Variants in OXSR1 observed in about 807,000 individuals in gnomAD.
OXSR1 encodes oxidative stress responsive kinase 1, also known as serine/threonine-protein kinase OSR1.
A neutral mutation model predicts 79.8 loss-of-function variants in OXSR1; 24 were observed. The ratio of observed to expected loss-of-function variants is 0.30; its 90% CI spans 0.22 to 0.42. The LOEUF (loss-of-function observed/expected upper bound fraction) is 0.42, where lower values mean the gene tolerates loss of function less well. Ranked by LOEUF, OXSR1 falls within the 10% of genes least tolerant of loss-of-function variation. The pLI, the probability that OXSR1 is intolerant of heterozygous loss-of-function variation, is 1.00. For synonymous variants in OXSR1, 226 were observed against 209.2 expected (o/e 1.08, Z -0.69); for missense variants, 430 against 618.4 (o/e 0.70, Z 3.23).
chr3:38,219,350 C>G (rs1490662694), intron 5 of OXSR1, among the ~76,000 whole-genome samples: 1 of 152,028 alleles, frequency 6.6e-6, no homozygotes, highest in African/African-American at 2.4e-5. Flanking sequence ...AGTAAAAACT[C>G]TTCATAATTC....
chr3:38,193,462 T>C lies in OXSR1; in HGVS notation c.292+2623T>C, dbSNP rs913086840. ...TTATTGATCACCTATAGCATAATTT[T>C]CTTTATTTGTAATTTACGAGAATAT... On this transcript the variant is annotated intron_variant, in intron 3 of 17. Coordinates refer to ENST00000311806, the MANE Select transcript of OXSR1 (RefSeq NM_005109.3). 9 of 1,181,960 alleles carry C rather than the reference T, an allele frequency of 7.6e-6. No individual in the cohort carries two copies. In the African/African-American group the frequency reaches 1.4e-4, roughly 19 times the overall value. The allele number at this position is 1,181,960 out of a possible 1,614,324, so 73.2% of individuals were successfully genotyped here. A position where few individuals can be genotyped will look rare whatever the true frequency, so the allele number is the denominator to read the frequency against.
At chr3:38,232,139 G>A (rs57919591) in intron 10 of OXSR1, among the ~76,000 whole-genome samples, 12,794 of 151,964 alleles carry the variant, frequency 0.084, 705 homozygotes, top group African/African-American at 0.15. Flanking sequence ...GCCTCAGACC[G>A]GGGATATGGT....
At chr3:38,179,598 A>G (rs1046926665) in intron 1 of OXSR1, among the ~76,000 whole-genome samples, 2 of 152,178 alleles carry the variant, frequency 1.3e-5, no homozygotes, top group East Asian at 3.9e-4. Context: ...TCCAAAAGAA[A>G]CAATGTACAA....
intron 2 of OXSR1, among the ~76,000 whole-genome samples, chr3:38,189,853 C>T (rs762304578): frequency 2.6e-5 from 4 of 152,156 alleles, no homozygotes; most frequent in Non-Finnish European, 5.9e-5. Flanking sequence ...TGAGTACTTG[C>T]CTTCATGGAG....
intron 12 of OXSR1, among the ~76,000 whole-genome samples, chr3:38,245,581 G>A (rs893215302): frequency 1.3e-5 from 2 of 152,132 alleles, no homozygotes; most frequent in African/African-American, 4.8e-5. Context: ...GAATGGAATA[G>A]ATTTTGTTAA....
chr3:38,183,587 G>A lies in OXSR1; in HGVS notation c.183+472G>A, dbSNP rs969799646. 3.9e-5 allele frequency among the ~76,000 whole-genome samples: 6 copies of A among 152,150 alleles called. No individual in the cohort carries two copies. In the South Asian group the frequency reaches 1.2e-3, roughly 32 times the overall value. Reference sequence around the variant, plus strand: ...TCTATTCCCTTAAAATAATACCATGGAATTGTGATTCCTGGGTCAAGTGGA... The same window carrying A: ...TCTATTCCCTTAAAATAATACCATGAAATTGTGATTCCTGGGTCAAGTGGA... On this transcript the variant is annotated intron_variant, in intron 2 of 17. Coordinates refer to ENST00000311806, the MANE Select transcript of OXSR1 (RefSeq NM_005109.3).
At chr3:38,199,769 A>C (rs974696324) in intron 4 of OXSR1, among the ~76,000 whole-genome samples, 28 of 151,662 alleles carry the variant, frequency 1.8e-4, no homozygotes, top group African/African-American at 6.8e-4. Context: ...CATCTATGGG[A>C]GTGGAGTGGA....
intron 2 of OXSR1, among the ~76,000 whole-genome samples, chr3:38,183,890 T>C (rs904317006): frequency 1.2e-4 from 19 of 152,162 alleles, no homozygotes; most frequent in Non-Finnish European, 2.6e-4. Flanking sequence ...AAATTACTTA[T>C]TATTGTTTCA....
intron 4 of OXSR1, among the ~76,000 whole-genome samples, chr3:38,199,097 T>A (rs1166594037): frequency 6.6e-6 from 1 of 152,220 alleles, no homozygotes; most frequent in East Asian, 1.9e-4. Context: ...AACTACTTGA[T>A]AACATTTTGG....
chr3:38,171,320 A>G (rs1041796789), intron 1 of OXSR1, among the ~76,000 whole-genome samples: 1 of 152,262 alleles, frequency 6.6e-6, no homozygotes, highest in Admixed American at 6.5e-5. Flanking sequence ...TATAGTCTTC[A>G]AAATGAATCT....
chr3:38,223,443 CTTTT>C (rs1180070844), intron 6 of OXSR1, among the ~76,000 whole-genome samples: 1 of 137,090 alleles, frequency 7.3e-6, no homozygotes, highest in African/African-American at 2.7e-5. Flanking sequence ...CAGAAGCTAA[CTTTT>C]TTTTTTTTTT....
chr3:38,215,524 T>C (rs1702466368), intron 4 of OXSR1, among the ~76,000 whole-genome samples: 1 of 152,238 alleles, frequency 6.6e-6, no homozygotes, highest in South Asian at 2.1e-4. Context: ...CATCGGTATA[T>C]AGTCTGTTAA....
intron 2 of OXSR1, among the ~76,000 whole-genome samples, chr3:38,185,117 A>C (rs1444899294): frequency 6.7e-6 from 1 of 149,912 alleles, no homozygotes; most frequent in East Asian, 2.0e-4. Context: ...GTAAGACTCC[A>C]TCTCTGAAAA....
upstream of OXSR1, among the ~76,000 whole-genome samples, chr3:38,164,798 C>G (rs1165827714): frequency 1.3e-5 from 2 of 152,168 alleles, no homozygotes; most frequent in Non-Finnish European, 2.9e-5. Flanking sequence ...TGGACAGAAC[C>G]CGCCCAGTGC....
In OXSR1 at chr3:38,165,837, C is replaced by A; in HGVS notation, c.-40C>A. 6.4e-7 allele frequency: 1 copy of A among 1,573,092 alleles called. No homozygotes were observed. Among genetic ancestry groups the A allele is most frequent in the Non-Finnish European group, 8.7e-7 (1 of 1,152,904 alleles). On this transcript the variant is annotated 5_prime_UTR_variant, in exon 1 of 18. Transcript: ENST00000311806. ...CGCGCGGCGAGGAGACGAGCGAGGT[C>A]AGCGAGTTTGAGGGAGGACCGCGAG...
chr3:38,216,070 A>G (rs1379172386), intron 4 of OXSR1, 26 bp from the exon 5 acceptor site: 1 of 1,387,244 alleles, frequency 7.2e-7, no homozygotes, highest in Non-Finnish European at 1.0e-6. Flanking sequence ...GTTTTTTGAT[A>G]CATAACTTTT....
Position 38,195,063 on chromosome 3 carries a change from T to C in OXSR1, c.293-3659T>C, listed in dbSNP as rs142173495. Among the ~76,000 whole-genome samples the C allele has an allele frequency of 4.8e-3, 731 of 152,358 alleles. 20 individuals are homozygous for C. The highest frequency in any genetic ancestry group is 0.043 in the Admixed American group (665 of 15,300). The stretch of plus-strand genomic sequence containing the variant: ...TATTCCTATCTTTGCTAGTTAAAAC[T>C]GTCATGTTGAATGTTGGGATTTATT... On this transcript the variant is annotated intron_variant, in intron 3 of 17. Coordinates refer to ENST00000311806, the MANE Select transcript of OXSR1 (RefSeq NM_005109.3).
At chr3:38,215,049 A>G (rs1423929533) in intron 4 of OXSR1, among the ~76,000 whole-genome samples, 1 of 152,180 alleles carries the variant, frequency 6.6e-6, no homozygotes. Flanking sequence ...CTGTATTTCC[A>G]CAAGTTATTC....
At chr3:38,245,274 A>G (rs753205844) in intron 12 of OXSR1, among the ~76,000 whole-genome samples, 4 of 152,286 alleles carry the variant, frequency 2.6e-5, no homozygotes, top group East Asian at 1.9e-4. Context: ...CAGTAACTGC[A>G]TAATTTTGAA....
Sources: allele counts gnomAD v4.1 joint callset (sites outside exome capture counted in the v4.1 genomes callset), GRCh38; gene constraint gnomAD v4.1.1; transcripts MANE v1.5; gene names NCBI Gene and HGNC (gene_info 2026-07-23, HGNC 2026-07-21).